The following TAFA2 variants were observed in gnomAD, a reference collection of about 807,000 sequenced individuals.
The protein encoded by TAFA2 is TAFA chemokine like family member 2.
In TAFA2, 7 loss-of-function variants were observed where a neutral mutation model predicts 18.8. The ratio of observed to expected loss-of-function variants is 0.37; its 90% confidence interval spans 0.21 to 0.70. The LOEUF (loss-of-function observed/expected upper bound fraction) is 0.70, where lower values mean the gene tolerates loss of function less well. Ranked by LOEUF, TAFA2 falls within the 30% of genes least tolerant of loss-of-function variation. The pLI, the probability that TAFA2 is intolerant of heterozygous loss-of-function variation, is 0.53. For synonymous variants in TAFA2, 60 were observed against 54.2 expected (o/e 1.11, Z -0.47); for missense variants, 122 against 158.1 (o/e 0.77, Z 1.23).
At chr12:62,083,039 A>G (rs1868347741) in intron 1 of TAFA2, among the ~76,000 whole-genome samples, 2 of 152,148 alleles carry the variant, frequency 1.3e-5, no homozygotes, top group African/African-American at 2.4e-5. Context: ...AGCCAGTAAA[A>G]GCCAAGATCT....
intron 4 of TAFA2, among the ~76,000 whole-genome samples, chr12:61,735,203 T>C (rs1351316310): frequency 6.6e-6 from 1 of 152,012 alleles, no homozygotes; most frequent in African/African-American, 2.4e-5. Flanking sequence ...TCTTTAGCAA[T>C]AGTATTTGCT....
chr12:62,197,875 T>C (rs534723014), intron 1 of TAFA2, among the ~76,000 whole-genome samples: 11 of 152,308 alleles, frequency 7.2e-5, no homozygotes, highest in African/African-American at 2.6e-4. Flanking sequence ...GGGTTACTTC[T>C]AGTTTGGGGA....
chr12:62,080,775 C>T (rs975213741), intron 1 of TAFA2, among the ~76,000 whole-genome samples: 25 of 151,930 alleles, frequency 1.6e-4, no homozygotes, highest in Admixed American at 2.0e-4. Flanking sequence ...TACAAGGTGA[C>T]GGAAATGAAA....
intron 1 of TAFA2, among the ~76,000 whole-genome samples, chr12:61,916,293 G>A (rs1284396888): frequency 6.6e-6 from 1 of 152,182 alleles, no homozygotes; most frequent in African/African-American, 2.4e-5. Context: ...CTGACTTTCT[G>A]CAAGTTAATT....
At chr12:62,193,302 A>G (rs905323225), upstream of TAFA2, among the ~76,000 whole-genome samples, 2 of 152,242 alleles carry the variant, frequency 1.3e-5, no homozygotes, top group African/African-American at 2.4e-5. Context: ...AGTCCTTTAC[A>G]AGGAAAGATA....
chr12:61,930,947 A>T (rs1877529390), intron 1 of TAFA2, among the ~76,000 whole-genome samples: 1 of 152,334 alleles, frequency 6.6e-6, no homozygotes, highest in East Asian at 1.9e-4. Context: ...CATCTCTATA[A>T]ATACAGTCAG....
intron 2 of TAFA2, among the ~76,000 whole-genome samples, chr12:61,798,391 A>G (rs1457500604): frequency 6.6e-6 from 1 of 152,084 alleles, no homozygotes; most frequent in East Asian, 1.9e-4. Flanking sequence ...GATTTGTTAC[A>G]TAGGTATATG....
chr12:62,203,281 C>G (rs61919217), intron 1 of TAFA2, among the ~76,000 whole-genome samples: 5 of 152,172 alleles, frequency 3.3e-5, no homozygotes, highest in Admixed American at 2.0e-4. Context: ...TTAGAGTAAG[C>G]GCCATGTGGC....
intron 1 of TAFA2, among the ~76,000 whole-genome samples, chr12:62,253,913 T>C (rs897340197): frequency 6.6e-6 from 1 of 152,250 alleles, no homozygotes; most frequent in African/African-American, 2.4e-5. Context: ...CTGTTATGTA[T>C]CTATGTTTGT....
At chr12:62,082,783 G>A (rs1868343582) in intron 1 of TAFA2, among the ~76,000 whole-genome samples, 2 of 152,146 alleles carry the variant, frequency 1.3e-5, no homozygotes. Flanking sequence ...CATTTCAATT[G>A]AATTCTGAAG....
At chr12:61,825,314 TAGAG>T (rs1872498322) in intron 2 of TAFA2, among the ~76,000 whole-genome samples, 1 of 152,004 alleles carries the variant, frequency 6.6e-6, no homozygotes, top group African/African-American at 2.4e-5. Flanking sequence ...AGACAGTTGA[TAGAG>T]AGAAACAGAA....
At chr12:61,847,278 G>A (rs1873446964) in intron 2 of TAFA2, among the ~76,000 whole-genome samples, 1 of 152,082 alleles carries the variant, frequency 6.6e-6, no homozygotes, top group South Asian at 2.1e-4. Flanking sequence ...AAACTAAAGT[G>A]TTTTTTCTTA....
Position 61,879,879 on chromosome 12 carries a change from A to T in TAFA2, c.-1-12453T>A. On this transcript the variant is annotated intron_variant, in intron 1 of 4. Transcript: ENST00000416284. ...AAGTACCATGATGAGATCAATAAGC[A>T]TACAGAGATGGAGAATGAATTTGTC... 5.5e-6 allele frequency: 5 copies of T among 914,902 alleles called. No homozygotes were observed. The Admixed American group carries it at 8.5e-5, about 15-fold the overall frequency. The allele number at this position is 914,902 out of a possible 1,614,324, so 56.7% of individuals were successfully genotyped here.
intron 1 of TAFA2, among the ~76,000 whole-genome samples, chr12:62,006,143 G>A (rs1440077230): frequency 6.6e-6 from 1 of 152,112 alleles, no homozygotes; most frequent in East Asian, 1.9e-4. Flanking sequence ...TGGTAGTACT[G>A]ACTAGATCCT....
intron 1 of TAFA2, among the ~76,000 whole-genome samples, chr12:61,917,135 T>C (rs1231689777): frequency 6.6e-6 from 1 of 152,216 alleles, no homozygotes; most frequent in Non-Finnish European, 1.5e-5. Flanking sequence ...GAGGGATAAC[T>C]GTCAGGAGAG....
At chr12:62,184,502 C>CTTTTTTTTTTTTTTTTTTTT (rs10526118) in intron 1 of TAFA2, among the ~76,000 whole-genome samples, 2 of 106,170 alleles carry the variant, frequency 1.9e-5, no homozygotes, top group Non-Finnish European at 1.8e-5. Flanking sequence ...AAAAAAAATT[C>CTTTTTTTTTTTTTTTTTTTT]TTTTTTTTTT....
rs143728416 is a variant in TAFA2, at chr12:61,868,757, G to T, written c.-1-1331C>A. On this transcript the variant is annotated intron_variant, in intron 1 of 4. Coordinates refer to ENST00000416284, the MANE Select transcript of TAFA2 (RefSeq NM_178539.5). ...ATGTTAACATTTCTTAGCTTGAGGA[G>T]GTTATAGGGATTACTTCAAATGTTT... Among the ~76,000 whole-genome samples the T allele has an allele frequency of 1.2e-4, 18 of 152,132 alleles. No individual in the cohort carries two copies. In the East Asian group the frequency reaches 3.3e-3, roughly 28 times the overall value.
chr12:61,962,190 T>C (rs951044704), intron 1 of TAFA2, among the ~76,000 whole-genome samples: 57 of 152,164 alleles, frequency 3.7e-4, no homozygotes, highest in African/African-American at 1.2e-3. Flanking sequence ...ATTCTCATAT[T>C]TTAACCTAAA....
intron 2 of TAFA2, among the ~76,000 whole-genome samples, chr12:61,840,271 T>C (rs923624824): frequency 2.0e-5 from 3 of 152,078 alleles, no homozygotes; most frequent in Non-Finnish European, 4.4e-5. Context: ...TTTTATATTA[T>C]GTGCCTGACG....
Sources: allele counts gnomAD v4.1 joint callset (sites outside exome capture counted in the v4.1 genomes callset), GRCh38; gene constraint gnomAD v4.1.1; transcripts MANE v1.5; gene names NCBI Gene and HGNC (gene_info 2026-07-23, HGNC 2026-07-21).